DLG2: variants seen among roughly 807,000 people sequenced by gnomAD.
DLG2 encodes the protein discs large MAGUK scaffold protein 2, also known as disks large homolog 2.
DLG2 carries 45 observed loss-of-function variants against 132.5 expected under a neutral mutation model. The ratio of observed to expected loss-of-function variants is 0.34; its 90% CI spans 0.27 to 0.44. The LOEUF (loss-of-function observed/expected upper bound fraction) is 0.44, where lower values mean the gene tolerates loss of function less well. Ranked by LOEUF, DLG2 falls within the 20% of genes least tolerant of loss-of-function variation. The pLI is 1.00. For synonymous variants in DLG2, 424 were observed against 419.6 expected (o/e 1.01, Z -0.13); for missense variants, 1,045 against 1,196.9 (o/e 0.87, Z 1.87).
chr11:85,135,634 T>A (rs2076092233), intron 5 of DLG2, among the ~76,000 whole-genome samples: 1 of 152,178 alleles, frequency 6.6e-6, no homozygotes, highest in African/African-American at 2.4e-5. Context: ...CCTTAGGCAG[T>A]CCCTAAGTCA....
At position 84,915,095 on chromosome 11, in the gene DLG2, T is replaced by G. The variant is rs562745845; in HGVS notation, c.357+196566A>C. Among the ~76,000 whole-genome samples, 29 of 152,306 alleles carry G rather than the reference T, an allele frequency of 1.9e-4. 1 individual carries two copies. The East Asian group carries it at 2.7e-3, about 14-fold the overall frequency. ...AGTGTTGTCTGACTGTTGTAATTCA[T>G]CATCTTTTCATTTGCATATTCCTAA... On this transcript the variant is annotated intron_variant, in intron 6 of 27. Coordinates refer to ENST00000376104, the MANE Select transcript of DLG2 (RefSeq NM_001142699.3).
chr11:85,584,292 T>G (rs1248831356), intron 3 of DLG2, among the ~76,000 whole-genome samples: 1 of 152,158 alleles, frequency 6.6e-6, no homozygotes, highest in African/African-American at 2.4e-5. Context: ...TCCAGGTTAC[T>G]GTGAATGCCA....
chr11:85,343,589 C>T (rs2082639279), intron 3 of DLG2, among the ~76,000 whole-genome samples: 1 of 152,100 alleles, frequency 6.6e-6, no homozygotes, highest in Admixed American at 6.6e-5. Flanking sequence ...TTATTATGAC[C>T]TAAAAAGTTC....
At position 85,362,598 on chromosome 11, in the gene DLG2, C is replaced by CT. The variant is rs569369008; in HGVS notation, c.41-77234dup. Reference sequence around the variant, plus strand: ...ACTTCCTCTTTTCCAATTTGGATGCCTTTTTTTTTATTTTTTTTTAATGCC... The same window carrying CT: ...ACTTCCTCTTTTCCAATTTGGATGCCTTTTTTTTTTATTTTTTTTTAATGCC... On this transcript the variant is annotated intron_variant, in intron 3 of 27. Coordinates refer to ENST00000376104, the MANE Select transcript of DLG2 (RefSeq NM_001142699.3). Among the ~76,000 whole-genome samples the CT allele has an allele frequency of 1.9e-3, 279 of 150,040 alleles. 7 individuals are homozygous for CT. In the East Asian group the frequency reaches 0.046, roughly 25 times the overall value.
chr11:83,743,582 T>C (rs2092700410), intron 18 of DLG2, among the ~76,000 whole-genome samples: 1 of 151,886 alleles, frequency 6.6e-6, no homozygotes, highest in Admixed American at 6.6e-5. Flanking sequence ...TACAGGTGCA[T>C]GCCAACACAC....
intron 18 of DLG2, among the ~76,000 whole-genome samples, chr11:83,645,434 G>C (rs2067879189): frequency 6.6e-6 from 1 of 152,064 alleles, no homozygotes; most frequent in African/African-American, 2.4e-5. Context: ...GGGCTGTGCT[G>C]CAATGACAGA....
chr11:83,614,279 A>T (rs1157427578), intron 19 of DLG2, among the ~76,000 whole-genome samples: 3 of 152,234 alleles, frequency 2.0e-5, no homozygotes, highest in Admixed American at 6.5e-5. Flanking sequence ...GGATATCAAC[A>T]GTTGTTTGTA....
chr11:85,172,962 T>C (rs575211804), intron 4 of DLG2, among the ~76,000 whole-genome samples: 7 of 152,176 alleles, frequency 4.6e-5, no homozygotes, highest in African/African-American at 1.2e-4. Flanking sequence ...CTGAGAAATA[T>C]AGGATTACGT....
In DLG2 at chr11:83,519,659, A is replaced by G. The variant is rs146626479; in HGVS notation, c.2193+13049T>C. Among the ~76,000 whole-genome samples the G allele has an allele frequency of 1.9e-3, 286 of 152,334 alleles. 4 individuals carry two copies. The highest frequency in any genetic ancestry group is 6.6e-3 in the African/African-American group (276 of 41,576). ...TATATGTAATCTTCAAAAAACATCA[A>G]TTGTATTGTTATCACATTTAAAAAA... On this transcript the variant is annotated intron_variant, in intron 21 of 27. Transcript: ENST00000376104.
At chr11:84,089,074 G>T (rs1207324446) in intron 10 of DLG2, among the ~76,000 whole-genome samples, 1 of 152,112 alleles carries the variant, frequency 6.6e-6, no homozygotes, top group Non-Finnish European at 1.5e-5. Context: ...GACTTGTGGG[G>T]TTTTTTTATT....
intron 5 of DLG2, among the ~76,000 whole-genome samples, chr11:85,143,926 A>G (rs1398469785): frequency 6.6e-6 from 1 of 151,902 alleles, no homozygotes; most frequent in Non-Finnish European, 1.5e-5. Context: ...ATGTTCTATA[A>G]TATCTATTAG....
rs2079370070 is a variant in DLG2 at position 85,177,431 on chromosome 11, A to G, written c.187-22780T>C. On this transcript the variant is annotated intron_variant, in intron 4 of 27. Transcript: ENST00000376104. ...AAACTAACACAGGAACAGAAAACCAAATACCACATGTTCTCACTTATAAGT... is the reference window on the plus strand; with the variant it reads ...AAACTAACACAGGAACAGAAAACCAGATACCACATGTTCTCACTTATAAGT... Among the ~76,000 whole-genome samples, 3 of 152,126 alleles carry G rather than the reference A, an allele frequency of 2.0e-5. No homozygotes were observed. In the South Asian group the frequency reaches 6.2e-4, roughly 32 times the overall value.
At chr11:84,151,767 G>C (rs1452757967) in intron 9 of DLG2, among the ~76,000 whole-genome samples, 1 of 152,108 alleles carries the variant, frequency 6.6e-6, no homozygotes, top group Non-Finnish European at 1.5e-5. Context: ...TAATTTCAAA[G>C]AATTTTTTAT....
intron 10 of DLG2, among the ~76,000 whole-genome samples, chr11:84,088,008 T>G (rs2097020080): frequency 6.6e-6 from 1 of 152,228 alleles, no homozygotes; most frequent in Non-Finnish European, 1.5e-5. Flanking sequence ...TGTAGGAGTT[T>G]TATTACACAT....
At chr11:84,771,400 T>C (rs2069363840) in intron 6 of DLG2, among the ~76,000 whole-genome samples, 1 of 152,250 alleles carries the variant, frequency 6.6e-6, no homozygotes, top group Admixed American at 6.5e-5. Context: ...ATATGCTTTT[T>C]GGCCACACGT....
intron 6 of DLG2, among the ~76,000 whole-genome samples, chr11:84,576,314 A>G (rs2154528467): frequency 1.3e-5 from 2 of 152,284 alleles, no homozygotes; most frequent in East Asian, 3.9e-4. Flanking sequence ...ATCTGTATCT[A>G]TTTATCAATC....
At chr11:84,926,208 T>C (rs940186080) in intron 6 of DLG2, among the ~76,000 whole-genome samples, 7 of 152,012 alleles carry the variant, frequency 4.6e-5, no homozygotes, top group African/African-American at 1.7e-4. Context: ...ACATAAAAGT[T>C]AGAAAAGGTT....
At chr11:85,476,805 G>A (rs996421059) in intron 3 of DLG2, among the ~76,000 whole-genome samples, 10 of 151,892 alleles carry the variant, frequency 6.6e-5, no homozygotes, top group African/African-American at 2.4e-4. Flanking sequence ...CCTTCTTCTA[G>A]AATACCTCCT....
chr11:84,571,197 C>G (rs990453858), intron 6 of DLG2, among the ~76,000 whole-genome samples: 4 of 152,062 alleles, frequency 2.6e-5, no homozygotes, highest in African/African-American at 9.7e-5. Context: ...CAGTTGTTTT[C>G]TGCCTCTCAC....
Sources: allele counts gnomAD v4.1 joint callset (sites outside exome capture counted in the v4.1 genomes callset), GRCh38; gene constraint gnomAD v4.1.1; transcripts MANE v1.5; gene names NCBI Gene and HGNC (gene_info 2026-07-23, HGNC 2026-07-21).